TSPEAR: variants seen among roughly 807,000 people sequenced by gnomAD.
TSPEAR encodes the protein thrombospondin-type laminin G domain and EAR repeat-containing protein.
Under a neutral mutation model 71.6 loss-of-function variants are expected in TSPEAR, and 69 were observed. The observed-to-expected ratio is 0.96, with a 90% CI of 0.79 to 1.18. The LOEUF is 1.18. Ranked by LOEUF, TSPEAR falls within the 50% of genes most tolerant of loss-of-function variation. TSPEAR has a pLI of 0.00. For synonymous variants in TSPEAR, 402 were observed against 387.2 expected (o/e 1.04, Z -0.45); for missense variants, 971 against 894.9 (o/e 1.09, Z -1.09).
At chr21:44,557,732 C>T (rs916500908) in intron 2 of TSPEAR, 11 of 385,998 alleles carry the variant, frequency 2.8e-5, no homozygotes, top group Admixed American at 1.2e-4. Context: ...TCCCACCCCA[C>T]GCGGCACGTT....
chr21:44,601,873 G>A (rs899442576), intron 1 of TSPEAR: 16 of 1,194,784 alleles, frequency 1.3e-5, no homozygotes, highest in Middle Eastern at 2.5e-4. Context: ...TCCAGTGTGC[G>A]CTTCTCCTCC....
At chr21:44,647,318 G>A (rs782409679) in intron 1 of TSPEAR, 1 of 1,613,902 alleles carries the variant, frequency 6.2e-7, no homozygotes, top group Admixed American at 1.7e-5. Flanking sequence ...CGCCTGGCCT[G>A]CTACAGCCTC....
chr21:44,526,970 A>G (rs1380962438), intron 7 of TSPEAR, among the ~76,000 whole-genome samples: 1 of 152,140 alleles, frequency 6.6e-6, no homozygotes, highest in Non-Finnish European at 1.5e-5. Context: ...TTCTGAAACG[A>G]TTTGTGGGTT....
At chr21:44,632,539 A>G (rs587745195) in intron 1 of TSPEAR, among the ~76,000 whole-genome samples, 1 of 152,382 alleles carries the variant, frequency 6.6e-6, no homozygotes, top group East Asian at 1.9e-4. Context: ...AAGCCATATT[A>G]AGAAATAAAG....
In TSPEAR at chr21:44,538,759, C is replaced by T. The variant is rs1298372780; in HGVS notation, c.304-4836G>A. Among the ~76,000 whole-genome samples, 7 of 152,232 alleles carry T rather than the reference C, an allele frequency of 4.6e-5. No individual in the cohort carries two copies. In the East Asian group the frequency reaches 5.8e-4, roughly 13 times the overall value. On this transcript the variant is annotated intron_variant, in intron 2 of 11. Coordinates refer to ENST00000323084, the MANE Select transcript of TSPEAR (RefSeq NM_144991.3). ...AGCCCCACAGCCCAGGGCATGACAG[C>T]GAATGACCAGGCTCAGGAAGACCCG... is the stretch of plus-strand genomic sequence containing the variant.
rs60681728 is a variant in TSPEAR at position 44,687,736 on chromosome 21, T to A, written c.82+23697A>T. 0.24 allele frequency among the ~76,000 whole-genome samples: 36,825 copies of A among 152,096 alleles called. 4,677 individuals are homozygous for A. Among genetic ancestry groups the A allele is most frequent in the African/African-American group, 0.31 (13,005 of 41,462 alleles). ...CAGGAGGGAAGCCAGGACCACCCTC[T>A]CCCCTGGGCCTTGAGGGGGCCTGGG... On this transcript the variant is annotated intron_variant, in intron 1 of 11. Coordinates refer to ENST00000323084, the MANE Select transcript of TSPEAR (RefSeq NM_144991.3). The surrounding 1 kb of genome is among the most constrained non-coding windows in gnomAD (Gnocchi z 4.4).
At chr21:44,702,170 C>A in intron 1 of TSPEAR, 1 of 1,448,714 alleles carries the variant, frequency 6.9e-7, no homozygotes, top group Non-Finnish European at 9.3e-7. Flanking sequence ...GAGCAGAGAC[C>A]ACCATCCACC....
In TSPEAR at chr21:44,527,437, A is replaced by T; in HGVS notation, c.1004T>A (p.Ile335Asn). Residue 335 changes from isoleucine (I) to asparagine (N), a missense_variant, in exon 7 of 12, where the codon ATC becomes AAC. By Grantham distance (149) the Ile-to-Asn change is moderately radical. Coordinates refer to ENST00000323084, the MANE Select transcript of TSPEAR (RefSeq NM_144991.3). ...GGCCACAAAGAGCCCCACCTGAGGG[A>T]TGCGGAACACCTCAATGCCCAGGGT... is the stretch of plus-strand genomic sequence containing the variant. ...SETLGIEVFR[I>N]PQVGLFVATA... The T allele has an allele frequency of 6.2e-7, 1 of 1,614,230 alleles. No homozygotes were observed. The highest frequency in any genetic ancestry group is 8.5e-7 in the Non-Finnish European group (1 of 1,180,040).
chr21:44,570,141 G>T (rs1355389788), intron 1 of TSPEAR, among the ~76,000 whole-genome samples: 1 of 152,156 alleles, frequency 6.6e-6, no homozygotes, highest in African/African-American at 2.4e-5. Flanking sequence ...TCCAGAAGGT[G>T]CCCTGCCCAG....
chr21:44,579,942 A>C (rs782207950), intron 1 of TSPEAR: 2 of 1,614,084 alleles, frequency 1.2e-6, no homozygotes, highest in Non-Finnish European at 1.7e-6. Context: ...CTGCAGCAGG[A>C]GGTGGTGCAG....
chr21:44,676,511 C>A, intron 1 of TSPEAR: 1 of 780,218 alleles, frequency 1.3e-6, no homozygotes. Context: ...CTGAGTCTGG[C>A]ATAGGCGGTA....
chr21:44,704,492 C>G (rs144614856), intron 1 of TSPEAR, among the ~76,000 whole-genome samples: 1 of 152,236 alleles, frequency 6.6e-6, no homozygotes, highest in Admixed American at 6.5e-5. Context: ...GTAAAACCCA[C>G]GGCCTTCTCA....
chr21:44,641,098 T>C (rs782061587), intron 1 of TSPEAR, among the ~76,000 whole-genome samples: 2 of 152,226 alleles, frequency 1.3e-5, no homozygotes, highest in South Asian at 2.1e-4. Context: ...TGTGTATCTA[T>C]GTGCAGAAAA....
chr21:44,658,333 A>G (rs1314053085), intron 1 of TSPEAR: 17 of 1,488,966 alleles, frequency 1.1e-5, no homozygotes, highest in Non-Finnish European at 1.6e-5. Context: ...CATCTGGTGG[A>G]CCCCCAGATT....
In TSPEAR at chr21:44,540,040, G is replaced by A. The variant is rs368378376; in HGVS notation, c.304-6117C>T. On this transcript the variant is annotated intron_variant, in intron 2 of 11. Transcript: ENST00000323084. ...CCAGGGTCAGGCAGGGGGCCGGGGC[G>A]CAGCAGCTGAGGGCGCAGCAGTGGG... 369 of 1,611,258 alleles carry A rather than the reference G, an allele frequency of 2.3e-4. 2 individuals are homozygous for A. Among genetic ancestry groups the A allele is most frequent in the East Asian group, 1.6e-3 (72 of 44,852 alleles).
rs200140874 is a variant in TSPEAR at position 44,510,241 on chromosome 21, G to GT, written c.1567-856dup. On this transcript the variant is annotated intron_variant, in intron 9 of 11. Transcript: ENST00000323084. ...GGAAGGCTGCTTCCCTGGGGACAGT[G>GT]TCCCCACAGGCCGGGGATCCCTGCG... Among the ~76,000 whole-genome samples, 1,327 of 152,310 alleles carry GT rather than the reference G, an allele frequency of 8.7e-3. 12 individuals are homozygous for GT. The highest frequency in any genetic ancestry group is 9.9e-3 in the Non-Finnish European group (670 of 68,008).
chr21:44,655,801 CT>C (rs1985111798), intron 1 of TSPEAR, among the ~76,000 whole-genome samples: 2 of 152,184 alleles, frequency 1.3e-5, no homozygotes, highest in Admixed American at 1.3e-4. Context: ...TGAGCCATCT[CT>C]CAGGGCAGAG....
intron 2 of TSPEAR, chr21:44,539,311 C>A (rs781877546): frequency 4.0e-5 from 64 of 1,609,916 alleles, no homozygotes; most frequent in South Asian, 3.6e-4. Flanking sequence ...CTCAGCAGGC[C>A]GGGCGGGAGC....
intron 1 of TSPEAR, among the ~76,000 whole-genome samples, chr21:44,703,859 T>C (rs1987776953): frequency 1.3e-5 from 2 of 151,954 alleles, no homozygotes; most frequent in Admixed American, 6.5e-5. Context: ...TCACCTGCTG[T>C]CCCCTCCACA....
Sources: gnomAD v4.1 joint callset for allele counts (sites outside exome capture counted in the v4.1 genomes callset) on GRCh38, gnomAD v4.1.1 for gene constraint, Gnocchi (gnomAD v3.1) non-coding constraint, MANE v1.5 for transcripts, NCBI Gene and HGNC (gene_info 2026-07-23, HGNC 2026-07-21) for gene names.